Variants in NFX1 observed in about 807,000 individuals in gnomAD.
NFX1 encodes the protein transcriptional repressor NF-X1.
In NFX1, 69 loss-of-function variants were observed where a neutral mutation model predicts 137.2. That is an observed-to-expected ratio of 0.50 (90% CI 0.41 to 0.61). NFX1 has a LOEUF of 0.61. Among genes scored for constraint, NFX1 ranks in the 20% least tolerant of loss-of-function variants. The pLI, the probability that NFX1 is intolerant of heterozygous loss-of-function variation, is 0.00. For missense variants in NFX1, 1,167 were observed against 1,391.0 expected (o/e 0.84, Z 2.56); for synonymous variants, 495 against 474.1 (o/e 1.04, Z -0.57).
Position 33,313,542 on chromosome 9 carries a change from T to C in NFX1, c.1449-112T>C, listed in dbSNP as rs555437916. On this transcript the variant is annotated intron_variant, in intron 6 of 23. Transcript: ENST00000379540. ...TAGGAAAAAGTGAGGGAAATGAAGTTAGAGAAAGGCTTAGTGGGTTTTGAG... is the reference window on the plus strand; with the variant it reads ...TAGGAAAAAGTGAGGGAAATGAAGTCAGAGAAAGGCTTAGTGGGTTTTGAG... The C allele has an allele frequency of 3.4e-5, 33 of 966,348 alleles. No homozygotes were observed. In the East Asian group the frequency reaches 8.4e-4, roughly 24 times the overall value. 59.9% of individuals were successfully genotyped at this position (966,348 alleles called of 1,614,324 possible). A position where few individuals can be genotyped will look rare whatever the true frequency, so the allele number is the denominator to read the frequency against.
chr9:33,365,009 C>T (rs1365824608), intron 21 of NFX1: 11 of 1,314,122 alleles, frequency 8.4e-6, no homozygotes, highest in Non-Finnish European at 1.1e-5. Context: ...CACAGTGTCT[C>T]ATGCCTGTAA....
chr9:33,358,647 A>ATTTT (rs61589629), intron 19 of NFX1, among the ~76,000 whole-genome samples: 619 of 48,492 alleles, frequency 0.013, 150 homozygotes, highest in African/African-American at 0.044. Context: ...GAATGGCTTG[A>ATTTT]TTTTTTTTTT....
At chr9:33,336,813 T>C (rs1823021679) in intron 11 of NFX1, among the ~76,000 whole-genome samples, 1 of 152,078 alleles carries the variant, frequency 6.6e-6, no homozygotes, top group South Asian at 2.1e-4. Flanking sequence ...TTTAAAAGTT[T>C]TTCCAGGGCT....
intron 10 of NFX1, among the ~76,000 whole-genome samples, chr9:33,329,638 A>C (rs868586892): frequency 2.8e-4 from 23 of 82,768 alleles, no homozygotes; most frequent in African/African-American, 6.0e-4. Flanking sequence ...GATGGTTTTT[A>C]TTTTTCTTTT....
At chr9:33,293,228 C>A (rs1361648741) in intron 1 of NFX1, among the ~76,000 whole-genome samples, 2 of 152,200 alleles carry the variant, frequency 1.3e-5, no homozygotes, top group African/African-American at 4.8e-5. Flanking sequence ...CTTCAGTTTT[C>A]TCATCAGGAA....
At chr9:33,323,703 C>T (rs188603306) in intron 9 of NFX1, among the ~76,000 whole-genome samples, 633 of 150,894 alleles carry the variant, frequency 4.2e-3, no homozygotes, top group Middle Eastern at 0.021. Context: ...CAGTGAGCCG[C>T]GATTGCGCCA....
At chr9:33,334,221 A>G in intron 11 of NFX1, among the ~76,000 whole-genome samples, 1 of 152,180 alleles carries the variant, frequency 6.6e-6, no homozygotes, top group Non-Finnish European at 1.5e-5. Context: ...TTGGGAGGCC[A>G]GGGCTGGGGG....
At chr9:33,303,397 C>A in intron 4 of NFX1, 129 bp downstream of exon 4, 1 of 747,468 alleles carries the variant, frequency 1.3e-6, no homozygotes, top group African/African-American at 1.8e-5. Context: ...GTCTATAAGA[C>A]TGTAATTATG....
At chr9:33,293,919 A>T (rs1055660208) in intron 1 of NFX1, among the ~76,000 whole-genome samples, 2 of 152,374 alleles carry the variant, frequency 1.3e-5, no homozygotes, top group African/African-American at 4.8e-5. Flanking sequence ...ATCCTTTACC[A>T]TAGACAAGGA....
At chr9:33,300,863 A>G (rs1235664771) in intron 2 of NFX1, among the ~76,000 whole-genome samples, 4 of 152,258 alleles carry the variant, frequency 2.6e-5, no homozygotes, top group African/African-American at 9.6e-5. Context: ...CTGACACTAC[A>G]GCTTCACGAG....
At chr9:33,297,134 A>C (rs1821385168) in intron 2 of NFX1, among the ~76,000 whole-genome samples, 4 of 152,150 alleles carry the variant, frequency 2.6e-5, no homozygotes, top group Admixed American at 2.6e-4. Flanking sequence ...TCCTTACTGC[A>C]AATCAGCTTT....
intron 9 of NFX1, among the ~76,000 whole-genome samples, chr9:33,319,750 T>A (rs1822313637): frequency 6.6e-6 from 1 of 152,094 alleles, no homozygotes; most frequent in Non-Finnish European, 1.5e-5. Flanking sequence ...CACCAAGTGA[T>A]CCACCCGCCT....
rs140227150 is a variant in NFX1 at position 33,348,689 on chromosome 9, A to G, written c.2424+1572A>G. ...AAAGTTTCAATTTGTAAAAAATGTG[A>G]TATCTATGAAATGCAATAAAGTGAA... On this transcript the variant is annotated intron_variant, in intron 15 of 23. Coordinates refer to ENST00000379540, the MANE Select transcript of NFX1 (RefSeq NM_002504.6). The G allele has an allele frequency of 2.9e-3, 2,741 of 930,036 alleles. 9 individuals carry two copies. Among genetic ancestry groups the G allele is most frequent in the Non-Finnish European group, 3.2e-3 (2,489 of 779,360 alleles). 57.6% of individuals were successfully genotyped at this position (930,036 alleles called of 1,614,324 possible). A position where few individuals can be genotyped will look rare whatever the true frequency, so the allele number is the denominator to read the frequency against.
At chr9:33,349,066 TC>T (rs1299140086) in intron 15 of NFX1, among the ~76,000 whole-genome samples, 1 of 152,256 alleles carries the variant, frequency 6.6e-6, no homozygotes, top group Non-Finnish European at 1.5e-5. Flanking sequence ...TCTATATGTC[TC>T]ACCTTTTCCA....
At chr9:33,299,922 A>G (rs889440750) in intron 2 of NFX1, among the ~76,000 whole-genome samples, 2 of 152,106 alleles carry the variant, frequency 1.3e-5, no homozygotes, top group Non-Finnish European at 2.9e-5. Flanking sequence ...ATATTATGGA[A>G]TATTACAGTG....
At chr9:33,332,622 G>C in intron 11 of NFX1, 120 bp downstream of exon 11, 1 of 643,102 alleles carries the variant, frequency 1.6e-6, no homozygotes, top group Non-Finnish European at 2.7e-6. Context: ...TAAGATTTGT[G>C]GTATAACTTT....
chr9:33,371,085 G>C lies in NFX1; in HGVS notation c.*1107G>C, dbSNP rs1276154938. ...GCCCTAGAGCAAGCCATGAGCCCCA[G>C]AGCAGTAGCAGGAGACTTGAGAAGT... is the stretch of plus-strand genomic sequence containing the variant. On this transcript the variant is annotated 3_prime_UTR_variant, in exon 24 of 24. Transcript: ENST00000379540. 1 of 152,208 alleles carries C rather than the reference G, an allele frequency of 6.6e-6. No individual in the cohort carries two copies. Among genetic ancestry groups the C allele is most frequent in the African/African-American group, 2.4e-5 (1 of 41,454 alleles). 9.4% of individuals were successfully genotyped at this position (152,208 alleles called of 1,614,324 possible). A position where few individuals can be genotyped will look rare whatever the true frequency, so the allele number is the denominator to read the frequency against.
chr9:33,360,987 C>G (rs1823969448), intron 19 of NFX1, among the ~76,000 whole-genome samples: 1 of 152,178 alleles, frequency 6.6e-6, no homozygotes, highest in Admixed American at 6.5e-5. Context: ...CCATGAGATT[C>G]AGACACTGAT....
chr9:33,334,180 T>A (rs1490938476), intron 11 of NFX1, among the ~76,000 whole-genome samples: 3 of 151,988 alleles, frequency 2.0e-5, no homozygotes, highest in African/African-American at 7.2e-5. Context: ...TTGGGCCAGA[T>A]GCAGTGGCTC....
Sources: allele counts gnomAD v4.1 joint callset (sites outside exome capture counted in the v4.1 genomes callset), GRCh38; gene constraint gnomAD v4.1.1; transcripts MANE v1.5; gene names NCBI Gene and HGNC (gene_info 2026-07-23, HGNC 2026-07-21).